Variants in JMJD1C observed in about 807,000 individuals in gnomAD.
JMJD1C encodes jumonji domain-containing protein 1C.
A neutral mutation model predicts 245.3 loss-of-function variants in JMJD1C; 31 were observed. The observed-to-expected ratio is 0.13, with a 90% confidence interval of 0.09 to 0.17. JMJD1C has a LOEUF of 0.17. JMJD1C is among the 10% of genes least tolerant of loss of function. The pLI is 1.00. For synonymous variants in JMJD1C, 1,057 were observed against 1,017.4 expected, an observed-to-expected ratio of 1.04 and a Z score of -0.74; for missense variants, 2,691 against 3,000.2, an observed-to-expected ratio of 0.90 and a Z score of 2.41.
intron 1 of JMJD1C, among the ~76,000 whole-genome samples, chr10:63,475,340 T>G (rs899814111): frequency 6.6e-6 from 1 of 152,220 alleles, no homozygotes; most frequent in African/African-American, 2.4e-5. Context: ...CAATTTGGTC[T>G]ACATTATCAC....
chr10:63,455,672 T>C (rs1026497791), intron 1 of JMJD1C, among the ~76,000 whole-genome samples: 3 of 152,162 alleles, frequency 2.0e-5, no homozygotes, highest in Non-Finnish European at 4.4e-5. Flanking sequence ...AAAAGAACTG[T>C]GTAATCTAAT....
intron 2 of JMJD1C, among the ~76,000 whole-genome samples, chr10:63,369,685 G>A (rs552663254): frequency 1.3e-5 from 2 of 152,242 alleles, no homozygotes; most frequent in East Asian, 1.9e-4. Context: ...AAATGTAGAC[G>A]TTCAAATATA....
At chr10:63,406,149 A>G (rs919159668) in intron 1 of JMJD1C, among the ~76,000 whole-genome samples, 1 of 152,214 alleles carries the variant, frequency 6.6e-6, no homozygotes. Flanking sequence ...CTTTGTATCC[A>G]TCTTCTCCAC....
chr10:63,517,613 A>T (rs940002282), intron 1 of JMJD1C, among the ~76,000 whole-genome samples: 2 of 152,108 alleles, frequency 1.3e-5, no homozygotes, highest in African/African-American at 4.8e-5. Flanking sequence ...ATATGTATAA[A>T]ATCAAAATTA....
In JMJD1C at chr10:63,168,134, C is replaced by T. The variant is rs370544199; in HGVS notation, c.7534G>A (p.Val2512Ile). The T allele has an allele frequency of 1.0e-5, 16 of 1,583,832 alleles. No homozygotes were observed. The highest frequency in any genetic ancestry group is 1.7e-4 in the Middle Eastern group (1 of 6,024). ...ACTGCATGATACAAAATATTTTTAA[C>T]CTGAAAGAGATGTTGATATTTCTAA... ...EEINYDDKLQ[V>I]KNILYHAVKE... The change falls in exon 26 of 26, where the codon GTT becomes ATT. Residue 2512 changes from valine (V) to isoleucine (I), a missense_variant and splice_region_variant. By Grantham distance (29) the Val-to-Ile change is conservative. This residue lies in a region of JMJD1C where 232 missense variants were observed against 416.1 expected (regional missense o/e 0.56). Coordinates refer to ENST00000399262, the MANE Select transcript of JMJD1C (RefSeq NM_032776.3).
At chr10:63,244,780 C>G (rs1021456264) in intron 3 of JMJD1C, among the ~76,000 whole-genome samples, 9 of 129,724 alleles carry the variant, frequency 6.9e-5, no homozygotes, top group African/African-American at 2.7e-4. Flanking sequence ...CCACATCACC[C>G]TGGGTGACAG....
intron 2 of JMJD1C, among the ~76,000 whole-genome samples, chr10:63,275,931 C>A (rs917262357): frequency 6.6e-6 from 1 of 152,054 alleles, no homozygotes; most frequent in South Asian, 2.1e-4. Flanking sequence ...ATCATTTTAA[C>A]GACTTAAAAA....
chr10:63,490,423 T>TA (rs1954133925), intron 1 of JMJD1C, among the ~76,000 whole-genome samples: 1 of 76,248 alleles, frequency 1.3e-5, no homozygotes, highest in Non-Finnish European at 3.6e-5. Flanking sequence ...ATTTATTTTA[T>TA]TTTTTTTTTT....
chr10:63,508,168 T>A (rs1465125465), intron 1 of JMJD1C, among the ~76,000 whole-genome samples: 1 of 152,220 alleles, frequency 6.6e-6, no homozygotes, highest in Non-Finnish European at 1.5e-5. Flanking sequence ...TGGTGTAAGG[T>A]CTGTGTCTTG....
intron 2 of JMJD1C, among the ~76,000 whole-genome samples, chr10:63,357,822 G>GACACACACACAC (rs1344672220): frequency 2.8e-5 from 2 of 70,804 alleles, no homozygotes; most frequent in East Asian, 5.1e-4. Flanking sequence ...GACACAGACA[G>GACACACACACAC]ACAGACACAC....
chr10:63,402,036 A>C (rs997587431), intron 1 of JMJD1C, among the ~76,000 whole-genome samples: 5 of 151,908 alleles, frequency 3.3e-5, no homozygotes, highest in Admixed American at 3.3e-4. Context: ...CGGGAAGCTG[A>C]GGAAAGAGAA....
chr10:63,194,298 T>C lies in JMJD1C; in HGVS notation c.5722A>G (p.Ile1908Val). The C allele has an allele frequency of 6.2e-7, 1 of 1,607,446 alleles. No individual in the cohort carries two copies. The highest frequency in any genetic ancestry group is 1.1e-5 in the South Asian group (1 of 90,968). Residue 1908 changes from isoleucine (I) to valine (V), a missense_variant, in exon 14 of 26, where the codon ATA (isoleucine) becomes GTA (valine). This residue lies in a region of JMJD1C where 139 missense variants were observed against 270.5 expected (regional missense o/e 0.51). Transcript: ENST00000399262. ...AAGATATACTTACCAGAACCAGGTA[T>C]AATTTGGGTTGGCATTAAATGTTTG... ...DHKHLMPTQI[I>V]PGSVLTDLLD...
intron 2 of JMJD1C, among the ~76,000 whole-genome samples, chr10:63,295,317 T>C (rs1025555957): frequency 6.6e-5 from 10 of 151,658 alleles, no homozygotes; most frequent in Non-Finnish European, 1.2e-4. Flanking sequence ...TCTGAACTCC[T>C]GGCCTGAAGT....
rs1846712925 is a variant in JMJD1C at position 63,207,047 on chromosome 10, G to A, written c.4622C>T (p.Thr1541Ile). ...NSVGNGQASQ[T>I]SQPNYHTKLK... Reference sequence around the variant, plus strand: ...TTTAGTATGGTAGTTTGGTTGACTTGTCTGGGAAGCTTGCCCATTTCCTAC... The same window carrying A: ...TTTAGTATGGTAGTTTGGTTGACTTATCTGGGAAGCTTGCCCATTTCCTAC... Residue 1541 changes from threonine (T) to isoleucine (I), a missense_variant, in exon 10 of 26, where the codon ACA (threonine) becomes ATA (isoleucine). By Grantham distance (89) the Thr-to-Ile change is moderately conservative. Around this residue, in one of 9 missense-constraint regions of JMJD1C, gnomAD observed 1,562 missense variants for 1,490.7 expected, o/e 1.05. Transcript: ENST00000399262. 6.2e-7 allele frequency: 1 copy of A among 1,614,018 alleles called. No homozygotes were observed. The highest frequency in any genetic ancestry group is 1.3e-5 in the African/African-American group (1 of 74,922).
chr10:63,337,618 G>GAAA (rs1165859401), intron 2 of JMJD1C, among the ~76,000 whole-genome samples: 2 of 77,650 alleles, frequency 2.6e-5, no homozygotes, highest in Non-Finnish European at 4.4e-5. Flanking sequence ...GAAAAGAAAA[G>GAAA]AAAAGAAAAA....
chr10:63,517,316 T>A (rs1284467570), intron 1 of JMJD1C, among the ~76,000 whole-genome samples: 14 of 152,146 alleles, frequency 9.2e-5, no homozygotes, highest in Non-Finnish European at 4.4e-5. Context: ...TCCACATATC[T>A]CCTAGGAAAA....
intron 2 of JMJD1C, among the ~76,000 whole-genome samples, chr10:63,354,678 TTC>T (rs964030789): frequency 1.7e-5 from 2 of 117,446 alleles, no homozygotes; most frequent in African/African-American, 5.5e-5. Flanking sequence ...TACTGCTTTT[TTC>T]TGTTTATATT....
intron 3 of JMJD1C, among the ~76,000 whole-genome samples, chr10:63,234,264 G>A (rs764841978): frequency 2.1e-4 from 32 of 151,892 alleles, no homozygotes; most frequent in Admixed American, 6.6e-5. Flanking sequence ...GGGAGGCTGA[G>A]GCAGGTGAAA....
At chr10:63,183,336 A>C (rs1191622016) in intron 22 of JMJD1C, 111 bp downstream of exon 22, 1 of 938,650 alleles carries the variant, frequency 1.1e-6, no homozygotes, top group Non-Finnish European at 1.6e-6. Flanking sequence ...CATCCATTGC[A>C]ATTCTTTTTG....
Sources: gnomAD v4.1 joint callset for allele counts (sites outside exome capture counted in the v4.1 genomes callset) on GRCh38, gnomAD v4.1.1 for gene constraint, gnomAD v4.1.1 regional missense constraint, MANE v1.5 for transcripts, NCBI Gene and HGNC (gene_info 2026-07-23, HGNC 2026-07-21) for gene names.